LRMDA: variants seen among roughly 807,000 people sequenced by gnomAD.
LRMDA encodes leucine-rich melanocyte differentiation-associated protein.
LRMDA carries 18 observed loss-of-function variants against 29.8 expected under a neutral mutation model. The ratio of observed to expected loss-of-function variants is 0.60; its 90% CI spans 0.42 to 0.90. The LOEUF is 0.90. Among genes scored for constraint, LRMDA ranks in the 40% least tolerant of loss-of-function variants. The pLI is 0.00. For synonymous variants in LRMDA, 125 were observed against 109.4 expected, an observed-to-expected ratio of 1.14 and a Z score of -0.89; for missense variants, 273 against 273.9, an observed-to-expected ratio of 1.00 and a Z score of 0.02.
At chr10:75,596,241 A>G (rs567857886) in intron 2 of LRMDA, among the ~76,000 whole-genome samples, 30 of 152,354 alleles carry the variant, frequency 2.0e-4, no homozygotes, top group African/African-American at 7.2e-4. Context: ...CCAATGTTAC[A>G]TAGCTCCTAA....
chr10:76,544,439 A>T (rs1843395130), intron 6 of LRMDA, among the ~76,000 whole-genome samples: 1 of 152,164 alleles, frequency 6.6e-6, no homozygotes, highest in East Asian at 1.9e-4. Flanking sequence ...TGTCTGTCTG[A>T]CTGGGGCATT....
chr10:76,023,306 A>C (rs1211850286), intron 2 of LRMDA, among the ~76,000 whole-genome samples: 2 of 152,058 alleles, frequency 1.3e-5, no homozygotes, highest in African/African-American at 2.4e-5. Flanking sequence ...CTCATTTCCT[A>C]GTTTGGGTTG....
At chr10:75,532,838 G>A (rs1010868482) in intron 2 of LRMDA, among the ~76,000 whole-genome samples, 3 of 152,078 alleles carry the variant, frequency 2.0e-5, no homozygotes, top group Admixed American at 6.5e-5. Context: ...AATGAGCTCC[G>A]TGGTTGATCC....
chr10:75,601,809 A>G (rs1564519753), intron 2 of LRMDA, among the ~76,000 whole-genome samples: 1 of 152,214 alleles, frequency 6.6e-6, no homozygotes, highest in Non-Finnish European at 1.5e-5. Flanking sequence ...TATCATTACC[A>G]GTAACTTGCA....
intron 2 of LRMDA, among the ~76,000 whole-genome samples, chr10:75,520,890 G>A (rs1234724785): frequency 6.6e-6 from 1 of 152,142 alleles, no homozygotes. Flanking sequence ...TTTTGTTGAT[G>A]TTGATGCTAT....
At chr10:75,862,522 C>T (rs190623798) in intron 2 of LRMDA, among the ~76,000 whole-genome samples, 1 of 152,040 alleles carries the variant, frequency 6.6e-6, no homozygotes, top group African/African-American at 2.4e-5. Flanking sequence ...GCATGGAGAA[C>T]CTGGAAGAAT....
intron 5 of LRMDA, among the ~76,000 whole-genome samples, chr10:76,074,501 T>C (rs1016836208): frequency 3.3e-5 from 5 of 152,092 alleles, no homozygotes; most frequent in Non-Finnish European, 7.4e-5. Context: ...GGAAGACAAA[T>C]GGCCTGTTTA....
At position 75,724,029 on chromosome 10, in the gene LRMDA, AC is replaced by A. The variant is rs199590183; in HGVS notation, c.131+285536del. ...GCTATGAAATTTATTGTTGATAAAA[AC>A]AATCAGATTTCCATTAGATGCAAAA... On this transcript the variant is annotated intron_variant, in intron 2 of 6. Coordinates refer to ENST00000611255, the MANE Select transcript of LRMDA (RefSeq NM_001305581.2). Among the ~76,000 whole-genome samples the A allele has an allele frequency of 9.6e-3, 1,468 of 152,352 alleles. 23 individuals carry two copies. Among genetic ancestry groups the A allele is most frequent in the African/African-American group, 0.033 (1,390 of 41,568 alleles).
intron 2 of LRMDA, among the ~76,000 whole-genome samples, chr10:75,946,825 G>C (rs1266041739): frequency 1.3e-5 from 2 of 152,048 alleles, no homozygotes; most frequent in African/African-American, 2.4e-5. Context: ...CTTAGGCAGG[G>C]GTCCACTCTT....
At chr10:75,801,675 C>T (rs1843745243) in intron 2 of LRMDA, among the ~76,000 whole-genome samples, 1 of 152,174 alleles carries the variant, frequency 6.6e-6, no homozygotes, top group Non-Finnish European at 1.5e-5. Context: ...AGCTGGAGGC[C>T]CATGGGCTGG....
chr10:76,344,502 A>G (rs1008968042), intron 6 of LRMDA, among the ~76,000 whole-genome samples: 12 of 152,190 alleles, frequency 7.9e-5, no homozygotes, highest in African/African-American at 2.9e-4. Flanking sequence ...AAATCATGTA[A>G]CAAAGCTTTT....
chr10:75,955,395 CTG>C (rs756282449), intron 2 of LRMDA, among the ~76,000 whole-genome samples: 1 of 152,182 alleles, frequency 6.6e-6, no homozygotes, highest in Non-Finnish European at 1.5e-5. Context: ...CACCTGGAAT[CTG>C]TGATTAAACA....
chr10:75,444,499 C>A lies in LRMDA; in HGVS notation c.131+6005C>A, dbSNP rs554472731. On this transcript the variant is annotated intron_variant, in intron 2 of 6. Coordinates refer to ENST00000611255, the MANE Select transcript of LRMDA (RefSeq NM_001305581.2). ...CCAAGTCAGCCATAGTGACTGTGAA[C>A]TGGATTGAGTTCTCTGGACTCAATT... Among the ~76,000 whole-genome samples the A allele has an allele frequency of 4.6e-5, 7 of 152,312 alleles. No homozygotes were observed. In the East Asian group the frequency reaches 1.3e-3, roughly 29 times the overall value.
At chr10:75,638,021 G>T (rs1841408832) in intron 2 of LRMDA, among the ~76,000 whole-genome samples, 1 of 152,178 alleles carries the variant, frequency 6.6e-6, no homozygotes, top group Non-Finnish European at 1.5e-5. Flanking sequence ...CAGCATCATG[G>T]GGTGGTCGTT....
Position 75,438,127 on chromosome 10 carries a change from G to C in LRMDA, c.31-267G>C, listed in dbSNP as rs148111793. On this transcript the variant is annotated intron_variant, in intron 1 of 6. Transcript: ENST00000611255. Reference sequence around the variant, plus strand: ...ATATTCAGGTTTCTTTTGGACACCTGAATCTGGCCAATTTTAGTCCAATTT... The same window carrying C: ...ATATTCAGGTTTCTTTTGGACACCTCAATCTGGCCAATTTTAGTCCAATTT... Among the ~76,000 whole-genome samples the C allele has an allele frequency of 1.7e-3, 264 of 152,294 alleles. 1 individual carries two copies. The highest frequency in any genetic ancestry group is 6.0e-3 in the African/African-American group (248 of 41,568).
At chr10:75,508,848 C>T (rs1307766824) in intron 2 of LRMDA, among the ~76,000 whole-genome samples, 1 of 152,162 alleles carries the variant, frequency 6.6e-6, no homozygotes, top group Non-Finnish European at 1.5e-5. Context: ...ATTTATGACT[C>T]TGCCCTTGTA....
intron 2 of LRMDA, among the ~76,000 whole-genome samples, chr10:75,966,605 A>C (rs917188951): frequency 6.6e-6 from 1 of 152,232 alleles, no homozygotes; most frequent in African/African-American, 2.4e-5. Flanking sequence ...GTTAGCTAAC[A>C]AATGAGTGAA....
chr10:75,915,120 CTTTTTT>C (rs71024579), intron 2 of LRMDA, among the ~76,000 whole-genome samples: 81 of 75,232 alleles, frequency 1.1e-3, no homozygotes, highest in East Asian at 9.8e-3. Flanking sequence ...GTCTAACCTT[CTTTTTT>C]TTTTTTTTTT....
At chr10:75,847,023 A>C (rs1379904406) in intron 2 of LRMDA, among the ~76,000 whole-genome samples, 1 of 152,176 alleles carries the variant, frequency 6.6e-6, no homozygotes, top group Non-Finnish European at 1.5e-5. Context: ...TTCATGTGGA[A>C]TCTCAAGGAA....
Sources: gnomAD v4.1 joint callset for allele counts (sites outside exome capture counted in the v4.1 genomes callset) on GRCh38, gnomAD v4.1.1 for gene constraint, MANE v1.5 for transcripts, NCBI Gene and HGNC (gene_info 2026-07-23, HGNC 2026-07-21) for gene names.